Variants in GABARAPL1 observed in about 807,000 individuals in gnomAD.
The protein encoded by GABARAPL1 is gamma-aminobutyric acid receptor-associated protein-like 1.
Under a neutral mutation model 14.5 loss-of-function variants are expected in GABARAPL1, and 4 were observed. That is an observed-to-expected ratio of 0.28 (90% CI 0.14 to 0.63). The LOEUF is 0.63. Among genes scored for constraint, GABARAPL1 ranks in the 30% least tolerant of loss-of-function variants. The pLI, the probability that GABARAPL1 is intolerant of heterozygous loss-of-function variation, is 0.84. For synonymous variants in GABARAPL1, 47 were observed against 50.6 expected (o/e 0.93, Z 0.30); for missense variants, 82 against 139.2 (o/e 0.59, Z 2.07).
Position 10,212,897 on chromosome 12 carries a change from A to G in GABARAPL1, c.-233A>G. The stretch of plus-strand genomic sequence containing the variant: ...CAGCTGTTTTTGTGCTCCCAGCTCT[A>G]GCGAAAAGCCGCCGGTATTTCTCCA... On this transcript the variant is annotated 5_prime_UTR_variant, in exon 1 of 4. Coordinates refer to ENST00000266458, the MANE Select transcript of GABARAPL1 (RefSeq NM_031412.4). 2.2e-6 allele frequency: 1 copy of G among 453,604 alleles called. No homozygotes were observed. The highest frequency in any genetic ancestry group is 2.4e-5 in the South Asian group (1 of 40,920). The allele number at this position is 453,604 out of a possible 1,614,324, so 28.1% of individuals were successfully genotyped here.
chr12:10,220,943 T>C, intron 3 of GABARAPL1: 1 of 1,302,602 alleles, frequency 7.7e-7, no homozygotes, highest in Non-Finnish European at 9.7e-7. Flanking sequence ...ATCCAGTTCA[T>C]TATTTTACTC....
chr12:10,220,332 G>C, intron 2 of GABARAPL1, 108 bp from the exon 3 acceptor site: 1 of 1,516,718 alleles, frequency 6.6e-7, no homozygotes, highest in Non-Finnish European at 8.9e-7. Flanking sequence ...AGCTGGTACT[G>C]ACTCTAAGGT....
At chr12:10,220,978 C>T in intron 3 of GABARAPL1, 1 of 1,237,958 alleles carries the variant, frequency 8.1e-7, no homozygotes, top group East Asian at 3.4e-5. Flanking sequence ...ATTGAGAAAG[C>T]ACGTAATAGT....
chr12:10,220,066 G>T (rs772763846), intron 2 of GABARAPL1, among the ~76,000 whole-genome samples: 4 of 152,184 alleles, frequency 2.6e-5, no homozygotes, highest in African/African-American at 9.7e-5. Context: ...TCTTAGGGAG[G>T]GTCTGGGGAT....
intron 2 of GABARAPL1, among the ~76,000 whole-genome samples, chr12:10,219,037 G>C (rs907390884): frequency 6.6e-6 from 1 of 151,866 alleles, no homozygotes; most frequent in Non-Finnish European, 1.5e-5. Flanking sequence ...ATTCAGCTTT[G>C]GCTGGGGGTG....
At position 10,213,009 on chromosome 12, in the gene GABARAPL1, CG is replaced by C; in HGVS notation, c.-119del. ...ACACTCGGCCCAGCGCTGTTGCCCC[CG>C]GAGCGGACGTTTCTGCAGCTATTCT... On this transcript the variant is annotated 5_prime_UTR_variant, in exon 1 of 4. Transcript: ENST00000266458. 1 of 661,588 alleles carries C rather than the reference CG, an allele frequency of 1.5e-6. No homozygotes were observed. The highest frequency in any genetic ancestry group is 1.8e-5 in the South Asian group (1 of 56,656). 41.0% of individuals were successfully genotyped at this position (661,588 alleles called of 1,614,324 possible). A position where few individuals can be genotyped will look rare whatever the true frequency, so the allele number is the denominator to read the frequency against.
chr12:10,214,659 C>G (rs1030255363), intron 1 of GABARAPL1: 5 of 152,146 alleles, frequency 3.3e-5, no homozygotes, highest in African/African-American at 1.2e-4. Flanking sequence ...CACGATTACC[C>G]GTTCTACAGA....
At chr12:10,213,580 T>TG in intron 1 of GABARAPL1, 1 of 332,914 alleles carries the variant, frequency 3.0e-6, no homozygotes, top group Non-Finnish European at 5.9e-6. Flanking sequence ...GGCCATGGAT[T>TG]GGCTGCCTTT....
At chr12:10,216,833 C>G (rs1402495600) in intron 1 of GABARAPL1, among the ~76,000 whole-genome samples, 1 of 152,130 alleles carries the variant, frequency 6.6e-6, no homozygotes, top group Non-Finnish European at 1.5e-5. Context: ...AGCCATTGCG[C>G]CCGGCAATGA....
At chr12:10,215,952 C>A (rs1188557979) in intron 1 of GABARAPL1, among the ~76,000 whole-genome samples, 1 of 143,986 alleles carries the variant, frequency 6.9e-6, no homozygotes, top group Non-Finnish European at 1.5e-5. Context: ...AGTTCAAACT[C>A]CCCCCCAAGT....
intron 2 of GABARAPL1, among the ~76,000 whole-genome samples, chr12:10,219,471 T>A (rs748285106): frequency 3.9e-5 from 6 of 152,340 alleles, no homozygotes; most frequent in South Asian, 2.1e-4. Context: ...TACATTTTTT[T>A]AAACTAAGTT....
intron 1 of GABARAPL1, among the ~76,000 whole-genome samples, chr12:10,215,609 C>A (rs1205330012): frequency 6.6e-6 from 1 of 151,992 alleles, no homozygotes; most frequent in Non-Finnish European, 1.5e-5. Context: ...CCCTTCTCTT[C>A]CTCTCCAAAC....
intron 1 of GABARAPL1, chr12:10,213,921 A>T (rs1949073211): frequency 6.6e-6 from 3 of 454,580 alleles, no homozygotes; most frequent in Middle Eastern, 3.3e-4. Context: ...CAGGACTGAG[A>T]CGTTTTTTCT....
In GABARAPL1 at chr12:10,212,881, T is replaced by C. The variant is rs1949064424; in HGVS notation, c.-249T>C. Reference sequence around the variant, plus strand: ...AGCCCGACGCGCCACCCAGCTGTTTTTGTGCTCCCAGCTCTAGCGAAAAGC... The same window carrying C: ...AGCCCGACGCGCCACCCAGCTGTTTCTGTGCTCCCAGCTCTAGCGAAAAGC... On this transcript the variant is annotated 5_prime_UTR_variant, in exon 1 of 4. Coordinates refer to ENST00000266458, the MANE Select transcript of GABARAPL1 (RefSeq NM_031412.4). 1 of 392,558 alleles carries C rather than the reference T, an allele frequency of 2.5e-6. No homozygotes were observed. The highest frequency in any genetic ancestry group is 4.7e-6 in the Non-Finnish European group (1 of 213,920). The allele number at this position is 392,558 out of a possible 1,614,324, so 24.3% of individuals were successfully genotyped here.
At chr12:10,221,689 AC>A in intron 3 of GABARAPL1, 97 bp from the exon 4 acceptor site, 3 of 1,351,926 alleles carry the variant, frequency 2.2e-6, no homozygotes, top group East Asian at 4.7e-5. Flanking sequence ...GACTAATGAT[AC>A]CTTCCATACC....
intron 2 of GABARAPL1, among the ~76,000 whole-genome samples, chr12:10,219,045 G>A (rs186884651): frequency 1.3e-5 from 2 of 151,946 alleles, no homozygotes; most frequent in Non-Finnish European, 2.9e-5. Flanking sequence ...TTGGCTGGGG[G>A]TGGTGGCTCA....
At chr12:10,217,921 T>A (rs1036225874) in intron 1 of GABARAPL1, 142 bp from the exon 2 acceptor site, 1 of 618,410 alleles carries the variant, frequency 1.6e-6, no homozygotes, top group African/African-American at 1.8e-5. Flanking sequence ...TTATAAGGGG[T>A]GGGGGGATAA....
intron 1 of GABARAPL1, chr12:10,214,155 C>T (rs1044567738): frequency 8.6e-6 from 2 of 231,362 alleles, no homozygotes; most frequent in Admixed American, 4.8e-5. Context: ...AATGGAGGAG[C>T]GGAGATTTTA....
chr12:10,218,292 G>A (rs1239296988), intron 2 of GABARAPL1, 151 bp downstream of exon 2: 20 of 664,586 alleles, frequency 3.0e-5, no homozygotes, highest in Non-Finnish European at 5.0e-5. Context: ...AAATGACTCA[G>A]GCTGGGCGCC....
Sources: gnomAD v4.1 joint callset for allele counts (sites outside exome capture counted in the v4.1 genomes callset) on GRCh38, gnomAD v4.1.1 for gene constraint, MANE v1.5 for transcripts, NCBI Gene and HGNC (gene_info 2026-07-23, HGNC 2026-07-21) for gene names.